The following CLIP2 variants were observed in gnomAD, a reference collection of about 807,000 sequenced individuals.
CLIP2 encodes the protein CAP-Gly domain-containing linker protein 2.
A neutral mutation model predicts 111.7 loss-of-function variants in CLIP2; 41 were observed. The ratio of observed to expected loss-of-function variants is 0.37; its 90% CI spans 0.29 to 0.48. The LOEUF is 0.48. CLIP2 is among the 20% of genes least tolerant of loss of function. The probability of loss-of-function intolerance (pLI) is 0.99; values close to 1 mark genes in which losing one functional copy is unlikely to be tolerated. For synonymous variants in CLIP2, 660 were observed against 644.2 expected (o/e 1.02, Z -0.37); for missense variants, 1,160 against 1,422.1 (o/e 0.82, Z 2.96).
chr7:74,294,638 C>T (rs1554725847), intron 1 of CLIP2, among the ~76,000 whole-genome samples: 1 of 152,184 alleles, frequency 6.6e-6, no homozygotes, highest in East Asian at 1.9e-4. Context: ...AGCTGGTCTG[C>T]CCTTGCCTGT....
At chr7:74,393,131 G>A (rs936496591) in intron 13 of CLIP2, among the ~76,000 whole-genome samples, 4 of 151,188 alleles carry the variant, frequency 2.6e-5, no homozygotes, top group South Asian at 2.1e-4. Flanking sequence ...CACCTTCTGG[G>A]TTCAAGCGAT....
rs533274009 is a variant in CLIP2, at chr7:74,405,216, C to T, written c.*1368C>T. 3.3e-5 allele frequency: 5 copies of T among 152,432 alleles called. No individual in the cohort carries two copies. The highest frequency in any genetic ancestry group is 2.1e-4 in the South Asian group (1 of 4,822). 9.4% of individuals were successfully genotyped at this position (152,432 alleles called of 1,614,324 possible). On this transcript the variant is annotated 3_prime_UTR_variant, in exon 17 of 17. Transcript: ENST00000223398. Reference sequence around the variant, plus strand: ...AGCCTTGGCCCTGCAGCCTCCACCTCGCCGCTGGGGGACCAACAGGTTGCT... The same window carrying T: ...AGCCTTGGCCCTGCAGCCTCCACCTTGCCGCTGGGGGACCAACAGGTTGCT...
chr7:74,364,419 G>A, intron 8 of CLIP2, 104 bp downstream of exon 8: 1 of 988,108 alleles, frequency 1.0e-6, no homozygotes, highest in South Asian at 1.5e-5. Flanking sequence ...GCCCCCCCGG[G>A]GAAGGGGCTG....
At chr7:74,403,372 C>G (rs1460263410) in intron 16 of CLIP2, among the ~76,000 whole-genome samples, 2 of 152,000 alleles carry the variant, frequency 1.3e-5, no homozygotes, top group African/African-American at 4.8e-5. Context: ...AGATCAAGAC[C>G]ATCCTGGTCA....
chr7:74,343,034 C>CA (rs57450898), intron 3 of CLIP2, among the ~76,000 whole-genome samples: 30,082 of 116,860 alleles, frequency 0.26, 6,390 homozygotes, highest in African/African-American at 0.57. Context: ...GACTCTGTCT[C>CA]AAAAAAAAAA....
chr7:74,328,193 G>A lies in CLIP2; in HGVS notation c.122-10255G>A, dbSNP rs146516175. Among the ~76,000 whole-genome samples the A allele has an allele frequency of 3.4e-3, 525 of 152,262 alleles. 1 individual carries two copies. The highest frequency in any genetic ancestry group is 0.012 in the African/African-American group (487 of 41,552). The stretch of plus-strand genomic sequence containing the variant: ...CCCTGGAGCAGGCATGGACTGAGGG[G>A]TGGAAACAGGTTGGGGTGGACCCAA... On this transcript the variant is annotated intron_variant, in intron 2 of 16. Coordinates refer to ENST00000223398, the MANE Select transcript of CLIP2 (RefSeq NM_003388.5).
In CLIP2 at chr7:74,404,063, C is replaced by T. The variant is rs1297965828; in HGVS notation, c.*215C>T. On this transcript the variant is annotated 3_prime_UTR_variant, in exon 17 of 17. Coordinates refer to ENST00000223398, the MANE Select transcript of CLIP2 (RefSeq NM_003388.5). ...CCCAGCCTTCTACAGAGAGTGTGAA[C>T]GGTACAGCCCCGGCCTGACCCGGGG... 23 of 596,906 alleles carry T rather than the reference C, an allele frequency of 3.9e-5. No individual in the cohort carries two copies. Among genetic ancestry groups the T allele is most frequent in the African/African-American group, 7.3e-5 (4 of 54,670 alleles). 37.0% of individuals were successfully genotyped at this position (596,906 alleles called of 1,614,324 possible).
intron 16 of CLIP2, 73 bp from the exon 17 acceptor site, chr7:74,403,764 T>C: frequency 6.5e-7 from 1 of 1,541,600 alleles, no homozygotes; most frequent in Non-Finnish European, 9.0e-7. Flanking sequence ...CTTTCCTCCC[T>C]GACTCCCCTC....
intron 11 of CLIP2, 21 bp from the exon 12 acceptor site, chr7:74,386,500 C>A (rs371429973): frequency 6.2e-7 from 1 of 1,604,228 alleles, no homozygotes; most frequent in Non-Finnish European, 8.5e-7. Context: ...TGATGCTTCT[C>A]GTCTCTCCTC....
At chr7:74,326,857 T>G (rs1789125225) in intron 2 of CLIP2, among the ~76,000 whole-genome samples, 1 of 151,242 alleles carries the variant, frequency 6.6e-6, no homozygotes, top group African/African-American at 2.4e-5. Flanking sequence ...AGGCTGGTCT[T>G]GAACTCCTGA....
At chr7:74,315,851 C>T (rs1002106694) in intron 1 of CLIP2, among the ~76,000 whole-genome samples, 11 of 151,208 alleles carry the variant, frequency 7.3e-5, no homozygotes, top group African/African-American at 2.4e-4. Context: ...GGATTACAGG[C>T]GTGAGCCACC....
At chr7:74,375,347 G>A (rs992437068) in intron 9 of CLIP2, among the ~76,000 whole-genome samples, 1 of 151,496 alleles carries the variant, frequency 6.6e-6, no homozygotes, top group African/African-American at 2.4e-5. Context: ...CTAGGAGTTC[G>A]AGACCAGCCT....
At position 74,376,309 on chromosome 7, in the gene CLIP2, C is replaced by T; in HGVS notation, c.1908C>T (p.Asn636=). Reference sequence around the variant, plus strand: ...TGGAGGACCTCAAAGCCACCCTGAACTCGGGCCCAGGCGCCCAGCAGAAGG... The same window carrying T: ...TGGAGGACCTCAAAGCCACCCTGAATTCGGGCCCAGGCGCCCAGCAGAAGG... ...KSLEDLKATL[N]SGPGAQQKEI... The change falls in exon 10 of 17, where the codon AAC becomes AAT. Residue 636 remains asparagine, a synonymous_variant. Transcript: ENST00000223398. The surrounding 1 kb of genome is among the most constrained non-coding windows in gnomAD (Gnocchi z 7.1). 1 of 1,613,898 alleles carries T rather than the reference C, an allele frequency of 6.2e-7. No homozygotes were observed. Among genetic ancestry groups the T allele is most frequent in the Non-Finnish European group, 8.5e-7 (1 of 1,180,010 alleles).
rs782466904 is a variant in CLIP2 at position 74,376,255 on chromosome 7, C to T, written c.1854C>T (p.Asp618=). ...TGGACAACTGGAAATCCAAGCTGGA[C>T]TCGCTGGCCTCGGACCACCAGAAGT... is the stretch of plus-strand genomic sequence containing the variant. ...GLMDNWKSKL[D]SLASDHQKSL... is the part of the protein sequence containing the mutation. Residue 618 remains aspartate, a synonymous_variant, in exon 10 of 17, where the codon GAC becomes GAT. Transcript: ENST00000223398. This position sits in a 1 kb window ranked among gnomAD's most constrained non-coding sequence, Gnocchi z 7.1. The T allele has an allele frequency of 3.1e-6, 5 of 1,612,372 alleles. No homozygotes were observed. Among genetic ancestry groups the T allele is most frequent in the Non-Finnish European group, 4.2e-6 (5 of 1,179,250 alleles).
intron 8 of CLIP2, among the ~76,000 whole-genome samples, chr7:74,371,929 C>A (rs188418928): frequency 2.6e-4 from 39 of 152,200 alleles, no homozygotes; most frequent in African/African-American, 9.2e-4. Context: ...GACAAGCTTC[C>A]GGGGTTTTAT....
chr7:74,312,928 C>T (rs1362275926), intron 1 of CLIP2, among the ~76,000 whole-genome samples: 1 of 152,088 alleles, frequency 6.6e-6, no homozygotes, highest in African/African-American at 2.4e-5. Flanking sequence ...GATGCCCTCA[C>T]GCACATTCCT....
rs1323475076 is a variant in CLIP2, at chr7:74,289,455, G to GGCTCCGCTT, written c.-340_-339insTTGCTCCGC. The GGCTCCGCTT allele has an allele frequency of 2.7e-5, 4 of 150,814 alleles. No homozygotes were observed. Among genetic ancestry groups the GGCTCCGCTT allele is most frequent in the Non-Finnish European group, 5.9e-5 (4 of 67,556 alleles). The allele number at this position is 150,814 out of a possible 1,614,324, so 9.3% of individuals were successfully genotyped here. ...GGCCGCTGGCTCCGCTGGCTCCGCT[G>GGCTCCGCTT]GCTCCGCGGGCGCTCAGCTCGGCTC... On this transcript the variant is annotated 5_prime_UTR_variant, in exon 1 of 17. Transcript: ENST00000223398.
At chr7:74,368,160 C>A (rs1554311161) in intron 8 of CLIP2, among the ~76,000 whole-genome samples, 1 of 152,076 alleles carries the variant, frequency 6.6e-6, no homozygotes, top group African/African-American at 2.4e-5. Context: ...CTGCAGTGAG[C>A]TGTGATCACA....
At position 74,369,949 on chromosome 7, in the gene CLIP2, G is replaced by C. The variant is rs540295626; in HGVS notation, c.1381-2983G>C. Among the ~76,000 whole-genome samples the C allele has an allele frequency of 3.4e-3, 280 of 81,864 alleles. 38 individuals are homozygous for C. Among genetic ancestry groups the C allele is most frequent in the African/African-American group, 9.3e-3 (264 of 28,530 alleles). 53.7% of individuals were successfully genotyped at this position (81,864 alleles called of 152,430 possible). On this transcript the variant is annotated intron_variant, in intron 8 of 16. Transcript: ENST00000223398. ...CCAAGGTGGGCGGATCACGAGGTCA[G>C]GAGCTCCAAACCAGCCTGGCTAACA...
Sources: gnomAD v4.1 joint callset for allele counts (sites outside exome capture counted in the v4.1 genomes callset) on GRCh38, gnomAD v4.1.1 for gene constraint, Gnocchi (gnomAD v3.1) non-coding constraint, MANE v1.5 for transcripts, NCBI Gene and HGNC (gene_info 2026-07-23, HGNC 2026-07-21) for gene names.